The following DYRK1A variants were observed in gnomAD, a reference collection of about 807,000 sequenced individuals.
The protein encoded by DYRK1A is dual specificity tyrosine-phosphorylation-regulated kinase 1A.
A neutral mutation model predicts 79.7 loss-of-function variants in DYRK1A; 9 were observed. The observed-to-expected ratio is 0.11, with a 90% CI of 0.07 to 0.20. DYRK1A has a LOEUF of 0.20. DYRK1A is among the 10% of genes least tolerant of loss of function. The pLI, the probability that DYRK1A is intolerant of heterozygous loss-of-function variation, is 1.00. For synonymous variants in DYRK1A, 349 were observed against 329.7 expected (o/e 1.06, Z -0.63); for missense variants, 622 against 956.0 (o/e 0.65, Z 4.61).
intron 2 of DYRK1A, among the ~76,000 whole-genome samples, chr21:37,458,288 G>GTGTA (rs2051722298): frequency 6.6e-6 from 1 of 151,452 alleles, no homozygotes; most frequent in Non-Finnish European, 1.5e-5. Context: ...GTGTGTGTGT[G>GTGTA]TGTGTGTGTG....
intron 2 of DYRK1A, among the ~76,000 whole-genome samples, chr21:37,444,646 G>A (rs2051210645): frequency 1.3e-5 from 2 of 152,102 alleles, no homozygotes; most frequent in African/African-American, 2.4e-5. Context: ...ATGAAGCATC[G>A]AAAAACATGA....
chr21:37,483,767 G>A (rs1313646983), intron 5 of DYRK1A, among the ~76,000 whole-genome samples: 1 of 151,980 alleles, frequency 6.6e-6, no homozygotes, highest in East Asian at 1.9e-4. Context: ...TTTTTTTGTA[G>A]AGGTGAGGTC....
At chr21:37,510,724 C>T (rs1344353693) in intron 11 of DYRK1A, among the ~76,000 whole-genome samples, 1 of 151,978 alleles carries the variant, frequency 6.6e-6, no homozygotes, top group South Asian at 2.1e-4. Context: ...CTTGTGGTTC[C>T]ACCTTGCCCT....
At chr21:37,479,620 T>TTTTTGTTTTTGTTTTTG (rs1491544962) in intron 4 of DYRK1A, among the ~76,000 whole-genome samples, 1 of 77,700 alleles carries the variant, frequency 1.3e-5, no homozygotes, top group East Asian at 3.7e-4. Flanking sequence ...TTGTTTTTTG[T>TTTTTGTTTTTGTTTTTG]TTTTTTTTTT....
At chr21:37,454,730 T>G (rs1031645401) in intron 2 of DYRK1A, among the ~76,000 whole-genome samples, 1 of 152,208 alleles carries the variant, frequency 6.6e-6, no homozygotes, top group Non-Finnish European at 1.5e-5. Context: ...TTACAGGGAT[T>G]CAGTAAGTGT....
At position 37,523,349 on chromosome 21, in the gene DYRK1A, C is replaced by T. The variant is rs918803019; in HGVS notation, c.*10818C>T. ...ACAGCTGATGAATTTTCGTTTAGGC[C>T]CCTTTCTTTGTGAGAGGGGGCCCCA... On this transcript the variant is annotated 3_prime_UTR_variant, in exon 12 of 12. Coordinates refer to ENST00000647188, the MANE Select transcript of DYRK1A (RefSeq NM_001347721.2). 13 of 152,202 alleles carry T rather than the reference C, an allele frequency of 8.5e-5. No individual in the cohort carries two copies. The highest frequency in any genetic ancestry group is 5.9e-4 in the Admixed American group (9 of 15,272). 9.4% of individuals were successfully genotyped at this position (152,202 alleles called of 1,614,324 possible).
intron 2 of DYRK1A, among the ~76,000 whole-genome samples, chr21:37,437,948 C>T (rs765517120): frequency 4.2e-4 from 64 of 152,106 alleles, no homozygotes; most frequent in Non-Finnish European, 8.2e-4. Flanking sequence ...AGTAGTTGTA[C>T]CGTTTTACAT....
intron 2 of DYRK1A, among the ~76,000 whole-genome samples, chr21:37,455,753 G>A (rs1262252061): frequency 2.0e-5 from 3 of 152,034 alleles, no homozygotes; most frequent in South Asian, 2.1e-4. Context: ...TTACACATTC[G>A]TTCTATCATT....
intron 2 of DYRK1A, among the ~76,000 whole-genome samples, chr21:37,434,379 A>C (rs1245277527): frequency 6.6e-6 from 1 of 152,188 alleles, no homozygotes; most frequent in African/African-American, 2.4e-5. Context: ...TGTATCTTTT[A>C]TAAGGCACAA....
intron 2 of DYRK1A, among the ~76,000 whole-genome samples, chr21:37,454,526 A>G (rs2051570481): frequency 6.6e-6 from 1 of 152,190 alleles, no homozygotes; most frequent in Non-Finnish European, 1.5e-5. Flanking sequence ...AATGAAATGT[A>G]ACAGATTTTT....
intron 2 of DYRK1A, among the ~76,000 whole-genome samples, chr21:37,429,542 A>G: frequency 6.6e-6 from 1 of 152,148 alleles, no homozygotes; most frequent in East Asian, 1.9e-4. Flanking sequence ...AGTGCTACAC[A>G]CTTCTAGACA....
In DYRK1A at chr21:37,473,232, A is replaced by G. The variant is rs565336878; in HGVS notation, c.207+352A>G. Among the ~76,000 whole-genome samples, 22 of 152,268 alleles carry G rather than the reference A, an allele frequency of 1.4e-4. No homozygotes were observed. In the South Asian group the frequency reaches 4.6e-3, roughly 32 times the overall value. ...AGCAAGTCAGATTCCATTACAGCAA[A>G]CTTACAGAACCAATTTTGTGTTATT... On this transcript the variant is annotated intron_variant, in intron 3 of 11. Transcript: ENST00000647188.
intron 1 of DYRK1A, among the ~76,000 whole-genome samples, chr21:37,395,597 G>A (rs1353401860): frequency 6.6e-6 from 1 of 151,920 alleles, no homozygotes; most frequent in East Asian, 1.9e-4. Flanking sequence ...CTGGGGATGG[G>A]ATACTCAAAA....
At position 37,515,721 on chromosome 21, in the gene DYRK1A, T is replaced by C. The variant is rs143688993; in HGVS notation, c.*3190T>C. ...AAAAGTTAAGCGTGAATCTGTAAAA[T>C]TAAGGTTGGTTGCGTAAAGTTGAAG... On this transcript the variant is annotated 3_prime_UTR_variant, in exon 12 of 12. Transcript: ENST00000647188. The C allele has an allele frequency of 2.0e-4, 31 of 152,274 alleles. No homozygotes were observed. Among genetic ancestry groups the C allele is most frequent in the African/African-American group, 5.8e-4 (24 of 41,548 alleles). 9.4% of individuals were successfully genotyped at this position (152,274 alleles called of 1,614,324 possible).
chr21:37,410,208 G>T (rs1040233032), intron 1 of DYRK1A, among the ~76,000 whole-genome samples: 1 of 152,198 alleles, frequency 6.6e-6, no homozygotes, highest in Non-Finnish European at 1.5e-5. Context: ...TAAGATTTGA[G>T]AAGAGAGATG....
chr21:37,372,917 G>A (rs1302298476), intron 1 of DYRK1A, among the ~76,000 whole-genome samples: 1 of 151,982 alleles, frequency 6.6e-6, no homozygotes, highest in East Asian at 1.9e-4. Flanking sequence ...CTGCAAATAT[G>A]ATTATTCATA....
chr21:37,376,154 C>G (rs1479741101), intron 1 of DYRK1A, among the ~76,000 whole-genome samples: 1 of 152,060 alleles, frequency 6.6e-6, no homozygotes, highest in Non-Finnish European at 1.5e-5. Context: ...GATGCCTGCA[C>G]TAAGAATGTT....
intron 1 of DYRK1A, among the ~76,000 whole-genome samples, chr21:37,418,478 A>T (rs944282738): frequency 6.6e-6 from 1 of 152,186 alleles, no homozygotes; most frequent in African/African-American, 2.4e-5. Context: ...TGTGTCAGTA[A>T]TATCTACTTC....
intron 1 of DYRK1A, among the ~76,000 whole-genome samples, chr21:37,392,816 T>C (rs2049896054): frequency 6.6e-6 from 1 of 152,212 alleles, no homozygotes; most frequent in African/African-American, 2.4e-5. Flanking sequence ...GGATGGGAAG[T>C]CCAAGATAAA....
Sources: gnomAD v4.1 joint callset for allele counts (sites outside exome capture counted in the v4.1 genomes callset) on GRCh38, gnomAD v4.1.1 for gene constraint, MANE v1.5 for transcripts, NCBI Gene and HGNC (gene_info 2026-07-23, HGNC 2026-07-21) for gene names.